The following TLK1 variants were observed in gnomAD, a reference collection of about 807,000 sequenced individuals.
TLK1 encodes the protein tousled like kinase 1, also known as serine/threonine-protein kinase tousled-like 1.
A neutral mutation model predicts 105.3 loss-of-function variants in TLK1; 24 were observed. The observed-to-expected ratio is 0.23, with a 90% CI of 0.17 to 0.32. The LOEUF is 0.32. Among genes scored for constraint, TLK1 ranks in the 10% least tolerant of loss-of-function variants. TLK1 has a pLI of 1.00. For missense variants in TLK1, 558 were observed against 910.5 expected, an observed-to-expected ratio of 0.61 and a Z score of 4.98; for synonymous variants, 321 against 310.4, an observed-to-expected ratio of 1.03 and a Z score of -0.36.
chr2:171,177,080 G>T (rs1692842916), intron 1 of TLK1, among the ~76,000 whole-genome samples: 1 of 151,988 alleles, frequency 6.6e-6, no homozygotes, highest in East Asian at 1.9e-4. Context: ...TGATGTGTCT[G>T]CCTCTGCCTC....
At position 170,996,761 on chromosome 2, in the gene TLK1, C is replaced by A; in HGVS notation, c.2017-1G>T. 1 of 1,587,284 alleles carries A rather than the reference C, an allele frequency of 6.3e-7. No homozygotes were observed. On this transcript the variant is annotated splice_acceptor_variant, in intron 19 of 20. Transcript: ENST00000431350. LOFTEE classifies it high-confidence loss of function. ...GTTGAGATTGATTGTGACCAAATGG[C>A]TTAAAAAAAAAATTAAATGTTGAGA...
intron 1 of TLK1, among the ~76,000 whole-genome samples, chr2:171,200,439 T>C (rs1363442928): frequency 6.6e-6 from 1 of 152,232 alleles, no homozygotes; most frequent in Non-Finnish European, 1.5e-5. Context: ...ACTGTTAGAA[T>C]GACTTGCGCA....
Position 170,993,668 on chromosome 2 carries a change from T to TAAAAAAAAAAA in TLK1, c.*101_*111dup, listed in dbSNP as rs71008739. On this transcript the variant is annotated 3_prime_UTR_variant, in exon 21 of 21. Transcript: ENST00000431350. Reference sequence around the variant, plus strand: ...AAACAGTTCTTAACCACGTCTTGTGTAAAAAAAAAAAAAAAAAAAAAAGAA... The same window carrying TAAAAAAAAAAA: ...AAACAGTTCTTAACCACGTCTTGTGTAAAAAAAAAAAAAAAAAAAAAAAAAAAAAAAAAGAA... 11 of 433,808 alleles carry TAAAAAAAAAAA rather than the reference T, an allele frequency of 2.5e-5. No homozygotes were observed. Among genetic ancestry groups the TAAAAAAAAAAA allele is most frequent in the South Asian group, 7.2e-5 (1 of 13,944 alleles). The allele number at this position is 433,808 out of a possible 1,614,324, so 26.9% of individuals were successfully genotyped here.
In TLK1 at chr2:171,058,215, C is replaced by T; in HGVS notation, c.407-18G>A. On this transcript the variant is annotated intron_variant, in intron 4 of 20. Transcript: ENST00000431350. ...ACTTTTTCCTAAAATATAAGAAGCGCATGATGTTAGTAGGGTAGTGATGGG... is the reference window on the plus strand; with the variant it reads ...ACTTTTTCCTAAAATATAAGAAGCGTATGATGTTAGTAGGGTAGTGATGGG... The T allele has an allele frequency of 6.2e-7, 1 of 1,612,998 alleles. No individual in the cohort carries two copies. The highest frequency in any genetic ancestry group is 1.3e-5 in the African/African-American group (1 of 74,956).
Position 170,992,696 on chromosome 2 carries a change from C to T in TLK1, c.*1084G>A, listed in dbSNP as rs1208713182. ...TTAATGACTGTCTGCTTTTTAATAT[C>T]TATGATGTACAGTCAACTTGCACCT... is the stretch of plus-strand genomic sequence containing the variant. On this transcript the variant is annotated 3_prime_UTR_variant, in exon 21 of 21. Transcript: ENST00000431350. The T allele has an allele frequency of 6.6e-6, 1 of 152,504 alleles. No individual in the cohort carries two copies. Among genetic ancestry groups the T allele is most frequent in the African/African-American group, 2.4e-5 (1 of 41,426 alleles). The allele number at this position is 152,504 out of a possible 1,614,324, so 9.4% of individuals were successfully genotyped here.
intron 1 of TLK1, among the ~76,000 whole-genome samples, chr2:171,148,196 G>C (rs993729603): frequency 6.6e-6 from 1 of 152,048 alleles, no homozygotes; most frequent in Non-Finnish European, 1.5e-5. Flanking sequence ...AGCAGCAGCT[G>C]CATACTGTAA....
chr2:171,091,394 T>TA (rs1213354758), intron 2 of TLK1, among the ~76,000 whole-genome samples: 1 of 152,222 alleles, frequency 6.6e-6, no homozygotes, highest in African/African-American at 2.4e-5. Flanking sequence ...TTAACTGTCT[T>TA]AAATTTGGGA....
intron 1 of TLK1, among the ~76,000 whole-genome samples, chr2:171,141,440 A>G (rs961031311): frequency 2.6e-5 from 4 of 152,216 alleles, no homozygotes; most frequent in African/African-American, 9.6e-5. Flanking sequence ...GTCCTACGTC[A>G]CAGTTATAAG....
intron 12 of TLK1, among the ~76,000 whole-genome samples, chr2:171,022,514 C>T (rs1049001249): frequency 1.3e-5 from 2 of 152,098 alleles, no homozygotes; most frequent in African/African-American, 4.8e-5. Flanking sequence ...GTATAGTATA[C>T]TTTTCCCAGA....
chr2:171,223,962 T>C (rs1188225227), intron 1 of TLK1, among the ~76,000 whole-genome samples: 2 of 152,194 alleles, frequency 1.3e-5, no homozygotes, highest in Non-Finnish European at 2.9e-5. Flanking sequence ...TGATGTGATC[T>C]TATCTGTCTA....
chr2:171,053,079 A>G (rs184690632), intron 8 of TLK1, among the ~76,000 whole-genome samples: 1 of 152,306 alleles, frequency 6.6e-6, no homozygotes, highest in East Asian at 1.9e-4. Flanking sequence ...ATACTTCTAG[A>G]TGTATTTTTA....
intron 2 of TLK1, among the ~76,000 whole-genome samples, chr2:171,088,510 A>C (rs6761889): frequency 0.21 from 31,556 of 152,208 alleles, 3,893 homozygotes; most frequent in Non-Finnish European, 0.28. Flanking sequence ...TAAAAAATCA[A>C]GCACAATGGC....
intron 3 of TLK1, among the ~76,000 whole-genome samples, chr2:171,080,482 T>C (rs893237785): frequency 2.1e-5 from 3 of 145,412 alleles, no homozygotes; most frequent in Non-Finnish European, 3.0e-5. Flanking sequence ...TTATCAACTA[T>C]ACAGATAAAA....
rs1368420133 is a variant in TLK1 at position 170,993,531 on chromosome 2, A to G, written c.*249T>C. On this transcript the variant is annotated 3_prime_UTR_variant, in exon 21 of 21. Transcript: ENST00000431350. The stretch of plus-strand genomic sequence containing the variant: ...TAACATGGTATTCCTGTTTCTGTGT[A>G]ACAGGCAGTCATCCTTCCTTCACTG... 4 of 348,804 alleles carry G rather than the reference A, an allele frequency of 1.1e-5. No homozygotes were observed. The highest frequency in any genetic ancestry group is 1.0e-5 in the Non-Finnish European group (2 of 198,112). 21.6% of individuals were successfully genotyped at this position (348,804 alleles called of 1,614,324 possible).
chr2:171,156,940 C>T (rs1692262070), intron 1 of TLK1, among the ~76,000 whole-genome samples: 1 of 152,130 alleles, frequency 6.6e-6, no homozygotes, highest in African/African-American at 2.4e-5. Flanking sequence ...AAGCAATCCT[C>T]CCAACTCAGC....
intron 6 of TLK1, 134 bp from the exon 7 acceptor site, chr2:171,055,306 C>CA: frequency 3.6e-6 from 2 of 563,134 alleles, no homozygotes; most frequent in Non-Finnish European, 5.9e-6. Context: ...TAAATTGAAA[C>CA]ATAATTGACT....
At chr2:171,135,190 A>G (rs1691256731) in intron 1 of TLK1, among the ~76,000 whole-genome samples, 1 of 152,096 alleles carries the variant, frequency 6.6e-6, no homozygotes, top group Non-Finnish European at 1.5e-5. Flanking sequence ...GATATATGAC[A>G]TGTATTTCAA....
At chr2:171,086,499 G>A (rs1303743083) in intron 2 of TLK1, among the ~76,000 whole-genome samples, 1 of 152,124 alleles carries the variant, frequency 6.6e-6, no homozygotes, top group Admixed American at 6.5e-5. Flanking sequence ...CATGGCGCAT[G>A]CCTGTAATCC....
chr2:171,199,135 A>G (rs1014808979), intron 1 of TLK1, among the ~76,000 whole-genome samples: 2 of 152,218 alleles, frequency 1.3e-5, no homozygotes, highest in African/African-American at 4.8e-5. Context: ...GTAGTGTTAT[A>G]TTAGGAATGT....
Sources: gnomAD v4.1 joint callset for allele counts (sites outside exome capture counted in the v4.1 genomes callset) on GRCh38, gnomAD v4.1.1 for gene constraint, MANE v1.5 for transcripts, NCBI Gene and HGNC (gene_info 2026-07-23, HGNC 2026-07-21) for gene names.